Variants in ITGAD observed in about 807,000 individuals in gnomAD.
ITGAD encodes the protein integrin subunit alpha D.
Under a neutral mutation model 139.0 loss-of-function variants are expected in ITGAD, and 105 were observed. The observed-to-expected ratio is 0.76, with a 90% CI of 0.65 to 0.89. ITGAD has a LOEUF of 0.89. ITGAD is among the 40% of genes least tolerant of loss of function. The pLI is 0.00. For synonymous variants in ITGAD, 569 were observed against 598.3 expected (o/e 0.95, Z 0.71); for missense variants, 1,384 against 1,487.3 (o/e 0.93, Z 1.14).
At chr16:31,414,771 C>G in intron 17 of ITGAD, 89 bp from the exon 18 acceptor site, 1 of 1,570,806 alleles carries the variant, frequency 6.4e-7, no homozygotes, top group Admixed American at 1.7e-5. Flanking sequence ...GGAGCACTGT[C>G]AGGGCAGTGG....
chr16:31,424,132 G>A lies in ITGAD; in HGVS notation c.3190G>A (p.Val1064Met), dbSNP rs2082064160. Reference sequence around the variant, plus strand: ...GCAGAAGAAGGTGTTGGTCGTGAGTGTGGCTGAAATTACGTTCGACACATC... The same window carrying A: ...GCAGAAGAAGGTGTTGGTCGTGAGTATGGCTGAAATTACGTTCGACACATC... ...TLQKKVLVVS[V>M]AEITFDTSVY... is the part of the protein sequence containing the mutation. The change falls in exon 28 of 30, where the codon GTG becomes ATG. Residue 1064 changes from valine (V) to methionine (M), a missense_variant. By Grantham distance (21) the Val-to-Met change is conservative (BLOSUM62 1). Transcript: ENST00000389202. The A allele has an allele frequency of 6.2e-7, 1 of 1,614,240 alleles. No individual in the cohort carries two copies.
In ITGAD at chr16:31,424,596, T is replaced by A; in HGVS notation, c.3372+19T>A. 2.5e-4 allele frequency: 328 copies of A among 1,289,532 alleles called. No individual in the cohort carries two copies. The highest frequency in any genetic ancestry group is 3.3e-4 in the Non-Finnish European group (307 of 922,170). 79.9% of individuals were successfully genotyped at this position (1,289,532 alleles called of 1,614,324 possible). ...GTACAAGGCAAGTGTTTTATCCAACTCTTTTTTTTTTTTTTTTGAGATGGA... is the reference window on the plus strand; with the variant it reads ...GTACAAGGCAAGTGTTTTATCCAACACTTTTTTTTTTTTTTTTGAGATGGA... On this transcript the variant is annotated intron_variant, in intron 29 of 29. Coordinates refer to ENST00000389202, the MANE Select transcript of ITGAD (RefSeq NM_005353.3).
chr16:31,406,329 T>C (rs2081539574), intron 7 of ITGAD, among the ~76,000 whole-genome samples: 1 of 152,202 alleles, frequency 6.6e-6, no homozygotes, highest in Non-Finnish European at 1.5e-5. Flanking sequence ...CACTTTGGCT[T>C]CCCAAAGTGC....
chr16:31,412,997 C>G, intron 15 of ITGAD, 29 bp downstream of exon 15: 9 of 1,602,150 alleles, frequency 5.6e-6, no homozygotes, highest in Non-Finnish European at 7.7e-6. Flanking sequence ...CCTGCCCTCC[C>G]GCGCTGTGTC....
Position 31,393,339 on chromosome 16 carries a change from C to T in ITGAD, c.-22C>T, listed in dbSNP as rs749082859. Reference sequence around the variant, plus strand: ...GTGCTCTGTCCCCAACCTTCCACTTCCCCTCAACGCGCTGCTCAGGGATGA... The same window carrying T: ...GTGCTCTGTCCCCAACCTTCCACTTTCCCTCAACGCGCTGCTCAGGGATGA... On this transcript the variant is annotated 5_prime_UTR_variant, in exon 1 of 30. Transcript: ENST00000389202. The T allele has an allele frequency of 6.2e-7, 1 of 1,614,084 alleles. No individual in the cohort carries two copies. The highest frequency in any genetic ancestry group is 2.2e-5 in the East Asian group (1 of 44,866).
chr16:31,425,432 A>G (rs373061526), intron 29 of ITGAD, among the ~76,000 whole-genome samples: 1 of 152,228 alleles, frequency 6.6e-6, no homozygotes. Context: ...TGAGAGAGAA[A>G]TGAGGCCAGG....
intron 1 of ITGAD, among the ~76,000 whole-genome samples, chr16:31,393,690 C>T (rs927831324): frequency 2.0e-5 from 3 of 152,022 alleles, no homozygotes; most frequent in Admixed American, 6.6e-5. Flanking sequence ...CCCAGCCTCC[C>T]CCGGGAGTGG....
intron 16 of ITGAD, among the ~76,000 whole-genome samples, chr16:31,414,154 T>C (rs2081816098): frequency 6.6e-6 from 1 of 152,146 alleles, no homozygotes; most frequent in Non-Finnish European, 1.5e-5. Flanking sequence ...ACCTATCTAA[T>C]CTATCCTCTA....
chr16:31,394,747 C>T (rs544570351), intron 2 of ITGAD, among the ~76,000 whole-genome samples: 1 of 152,248 alleles, frequency 6.6e-6, no homozygotes, highest in South Asian at 2.1e-4. Flanking sequence ...TCACAGCTTA[C>T]TGCAGCCTCA....
At position 31,403,426 on chromosome 16, in the gene ITGAD, TCTC is replaced by T; in HGVS notation, c.559-73_559-71del. ...GAGGCCAGGAGTTTGAGAGACCCTG[TCTC>T]TACAAAAAATTAAAATAAAAACAAT... On this transcript the variant is annotated intron_variant, in intron 6 of 29. Coordinates refer to ENST00000389202, the MANE Select transcript of ITGAD (RefSeq NM_005353.3). This position sits in a 1 kb window ranked among gnomAD's most constrained non-coding sequence, Gnocchi z 4.4. 1 of 1,569,990 alleles carries T rather than the reference TCTC, an allele frequency of 6.4e-7. No homozygotes were observed.
At chr16:31,412,077 CT>C (rs371162399) in intron 14 of ITGAD, among the ~76,000 whole-genome samples, 4,237 of 143,244 alleles carry the variant, frequency 0.03, 185 homozygotes, top group African/African-American at 0.1. Context: ...TTTTTTTTTT[CT>C]TTTTTTTTTG....
intron 10 of ITGAD, among the ~76,000 whole-genome samples, 165 bp from the exon 11 acceptor site, chr16:31,410,230 G>C (rs1372652826): frequency 6.6e-6 from 1 of 152,156 alleles, no homozygotes; most frequent in Admixed American, 6.5e-5. Flanking sequence ...GGCTGGCGGA[G>C]CAGTGGCTGT....
In ITGAD at chr16:31,403,553, A is replaced by G. The variant is rs1230922126; in HGVS notation, c.612A>G (p.Gln204=). 51 of 1,614,024 alleles carry G rather than the reference A, an allele frequency of 3.2e-5. No individual in the cohort carries two copies. The highest frequency in any genetic ancestry group is 4.3e-5 in the Non-Finnish European group (51 of 1,180,030). The change falls in exon 7 of 30, where the codon CAA becomes CAG. Residue 204 remains glutamine, a synonymous_variant. Coordinates refer to ENST00000389202, the MANE Select transcript of ITGAD (RefSeq NM_005353.3). This position sits in a 1 kb window ranked among gnomAD's most constrained non-coding sequence, Gnocchi z 4.4. ...TGAAGATCCACTTCACCTTCACCCA[A>G]TTCCGGACCAGCCCGAGCCAGCAGA... ...NLLKIHFTFT[Q]FRTSPSQQSL... is the part of the protein sequence containing the mutation.
rs1313144810 is a variant in ITGAD at position 31,418,572 on chromosome 16, G to A, written c.2780+8G>A. 6.8e-6 allele frequency: 11 copies of A among 1,611,640 alleles called. No individual in the cohort carries two copies. The highest frequency in any genetic ancestry group is 1.7e-5 in the Admixed American group (1 of 60,010). Reference sequence around the variant, plus strand: ...CTACACCATGATCAGCAGGTGCCCAGTCCCTGGCCTTCCCCTTGGACCTCT... The same window carrying A: ...CTACACCATGATCAGCAGGTGCCCAATCCCTGGCCTTCCCCTTGGACCTCT... On this transcript the variant is annotated splice_region_variant and intron_variant, in intron 23 of 29. Coordinates refer to ENST00000389202, the MANE Select transcript of ITGAD (RefSeq NM_005353.3).
intron 19 of ITGAD, 29 bp downstream of exon 19, chr16:31,416,315 C>T: frequency 1.9e-6 from 3 of 1,574,510 alleles, no homozygotes; most frequent in Non-Finnish European, 2.6e-6. Context: ...CATATCCAGA[C>T]ACTCAGGCTT....
chr16:31,414,623 T>C lies in ITGAD; in HGVS notation c.2151+18T>C. On this transcript the variant is annotated intron_variant, in intron 17 of 29. Transcript: ENST00000389202. ...TTTTGCCAGTGAGGACTTTGGGTTC[T>C]GGGAAGGGGGAGAGAGGAGGAGCCC... The C allele has an allele frequency of 1.2e-6, 2 of 1,613,594 alleles. No homozygotes were observed. The highest frequency in any genetic ancestry group is 1.7e-6 in the Non-Finnish European group (2 of 1,179,620).
intron 16 of ITGAD, among the ~76,000 whole-genome samples, chr16:31,414,129 TATCTATC>T (rs1490227312): frequency 1.3e-5 from 2 of 152,178 alleles, no homozygotes; most frequent in Admixed American, 6.5e-5. Flanking sequence ...TATCACCTAT[TATCTATC>T]ATCTATCACC....
chr16:31,394,192 G>A (rs1401743932), intron 1 of ITGAD, 44 bp from the exon 2 acceptor site: 2 of 1,289,018 alleles, frequency 1.6e-6, no homozygotes, highest in Non-Finnish European at 1.1e-6. Flanking sequence ...AGGGATTGGG[G>A]CTTCTTTAAC....
At position 31,413,211 on chromosome 16, in the gene ITGAD, G is replaced by C. The variant is rs1161405334; in HGVS notation, c.1961G>C (p.Cys654Ser). 1 of 1,613,996 alleles carries C rather than the reference G, an allele frequency of 6.2e-7. No individual in the cohort carries two copies. The highest frequency in any genetic ancestry group is 8.5e-7 in the Non-Finnish European group (1 of 1,180,002). ...CTGGAAGCTGGGGACGCCACCGTCT[G>C]TCTCACCATCCAGAAAAGCTCACTG... ...SALEAGDATV[C>S]LTIQKSSLDQ... Residue 654 changes from cysteine (C) to serine (S), a missense_variant, in exon 16 of 30, where the codon TGT becomes TCT. Physicochemically the swap from Cys to Ser is moderately radical, Grantham distance 112 (BLOSUM62 -1). Coordinates refer to ENST00000389202, the MANE Select transcript of ITGAD (RefSeq NM_005353.3).
Sources: allele counts gnomAD v4.1 joint callset (sites outside exome capture counted in the v4.1 genomes callset), GRCh38; gene constraint gnomAD v4.1.1; non-coding constraint Gnocchi (gnomAD v3.1); transcripts MANE v1.5; gene names NCBI Gene and HGNC (gene_info 2026-07-23, HGNC 2026-07-21).